The following MYO1C variants were observed in gnomAD, a reference collection of about 807,000 sequenced individuals.
MYO1C encodes unconventional myosin-Ic.
In MYO1C, 104 loss-of-function variants were observed where a neutral mutation model predicts 150.8. That is an observed-to-expected ratio of 0.69 (90% CI 0.59 to 0.81). MYO1C has a LOEUF of 0.81. Among genes scored for constraint, MYO1C ranks in the 30% least tolerant of loss-of-function variants. The pLI is 0.00. For synonymous variants in MYO1C, 663 were observed against 579.9 expected (o/e 1.14, Z -2.06); for missense variants, 1,504 against 1,435.0 (o/e 1.05, Z -0.78).
chr17:1,468,657 A>G (rs982324547), intron 25 of MYO1C, 161 bp from the exon 26 acceptor site: 2 of 647,266 alleles, frequency 3.1e-6, no homozygotes, highest in Non-Finnish European at 2.8e-6. Context: ...ACGCCCATCA[A>G]CCCTCCACTT....
At chr17:1,490,745 A>AC (rs1385111497) in intron 1 of MYO1C, among the ~76,000 whole-genome samples, 1 of 150,188 alleles carries the variant, frequency 6.7e-6, no homozygotes, top group South Asian at 2.1e-4. Context: ...AACTCCCGAG[A>AC]CCCCCCTGCT....
chr17:1,466,661 G>C (rs2074177962), intron 31 of MYO1C, among the ~76,000 whole-genome samples: 1 of 131,754 alleles, frequency 7.6e-6, no homozygotes, highest in African/African-American at 2.9e-5. Flanking sequence ...ATCTCACTCT[G>C]TTCCCCAGGC....
chr17:1,480,847 C>CA lies in MYO1C; in HGVS notation c.665dup (p.Glu223GlyfsTer61). ...TCTGGTGCACCACTCGTGACTTTTCCAGGAGGTAACTGAGGATGTGGCCAC... is the reference window on the plus strand; with the variant it reads ...TCTGGTGCACCACTCGTGACTTTTCCAAGGAGGTAACTGAGGATGTGGCCAC... On this transcript the variant is annotated frameshift_variant, in exon 6 of 32. Transcript: ENST00000648651. LOFTEE classifies it high-confidence loss of function. 6.2e-7 allele frequency: 1 copy of CA among 1,614,136 alleles called. No homozygotes were observed. The highest frequency in any genetic ancestry group is 8.5e-7 in the Non-Finnish European group (1 of 1,180,014).
In MYO1C at chr17:1,470,711, A is replaced by G. The variant is rs779481159; in HGVS notation, c.2213-22T>C. ...GTGGCTGCGGTTGGGAAAGAAAGGCAATTGGCCAGAGCGCGGGGAGCCAGC... is the reference window on the plus strand; with the variant it reads ...GTGGCTGCGGTTGGGAAAGAAAGGCGATTGGCCAGAGCGCGGGGAGCCAGC... On this transcript the variant is annotated intron_variant, in intron 21 of 31. Coordinates refer to ENST00000648651, the MANE Select transcript of MYO1C (RefSeq NM_001080779.2). 12 of 1,597,262 alleles carry G rather than the reference A, an allele frequency of 7.5e-6. No individual in the cohort carries two copies. The East Asian group carries it at 8.9e-5, about 12-fold the overall frequency.
intron 1 of MYO1C, among the ~76,000 whole-genome samples, chr17:1,486,426 C>A (rs540235686): frequency 6.6e-6 from 1 of 152,310 alleles, no homozygotes; most frequent in African/African-American, 2.4e-5. Flanking sequence ...TTCGCGTCCC[C>A]CCCGCCCACG....
chr17:1,478,308 G>A lies in MYO1C; in HGVS notation c.1295+102C>T. On this transcript the variant is annotated intron_variant, in intron 11 of 31. Coordinates refer to ENST00000648651, the MANE Select transcript of MYO1C (RefSeq NM_001080779.2). This position sits in a 1 kb window ranked among gnomAD's most constrained non-coding sequence, Gnocchi z 6.3. Reference sequence around the variant, plus strand: ...GTGAGAAACACAGAGACAGTCCCCGGCTGGCTGGGGAGTCACAGGGCAGGA... The same window carrying A: ...GTGAGAAACACAGAGACAGTCCCCGACTGGCTGGGGAGTCACAGGGCAGGA... The A allele has an allele frequency of 6.4e-7, 1 of 1,561,984 alleles. No homozygotes were observed. Among genetic ancestry groups the A allele is most frequent in the African/African-American group, 1.4e-5 (1 of 73,996 alleles).
chr17:1,480,520 GC>G lies in MYO1C; in HGVS notation c.906+6del, dbSNP rs1249102408. On this transcript the variant is annotated splice_donor_region_variant and intron_variant, in intron 7 of 31. Coordinates refer to ENST00000648651, the MANE Select transcript of MYO1C (RefSeq NM_001080779.2). ...GAGGAAAGCGAGGGTCCCGGAAGAG[GC>G]CTCACCTCCACTTCATCCTCGGTGA... 1 of 1,607,944 alleles carries G rather than the reference GC, an allele frequency of 6.2e-7. No individual in the cohort carries two copies. Among genetic ancestry groups the G allele is most frequent in the Admixed American group, 1.7e-5 (1 of 59,990 alleles).
Position 1,479,635 on chromosome 17 carries a change from T to G in MYO1C, c.977A>C (p.Asn326Thr), listed in dbSNP as rs1050960924. 6.2e-7 allele frequency: 1 copy of G among 1,612,046 alleles called. No individual in the cohort carries two copies. Among genetic ancestry groups the G allele is most frequent in the Non-Finnish European group, 8.5e-7 (1 of 1,179,258 alleles). ...NIHFAANEES[N>T]AQVTTENQLK... ...CTGGTTCTCGGTGGTGACCTGGGCA[T>G]TGCTCTCCTCGTTGGCAGCAAAGTG... Residue 326 changes from asparagine to threonine, a missense_variant, in exon 8 of 32, where the codon AAT (asparagine) becomes ACT (threonine). Transcript: ENST00000648651. The surrounding 1 kb of genome is among the most constrained non-coding windows in gnomAD (Gnocchi z 4.2).
In MYO1C at chr17:1,482,899, C is replaced by T. The variant is rs146251319; in HGVS notation, c.508G>A (p.Val170Met). The T allele has an allele frequency of 6.6e-5, 106 of 1,611,822 alleles. No homozygotes were observed. The highest frequency in any genetic ancestry group is 1.2e-4 in the South Asian group (11 of 91,028). ...TTGCTCTGTAGCAGCCGGTCCCGCA[C>T]GGCACCTCCGCGCTCGGGGGCTGGG... ...TCPAPERGGA[V>M]RDRLLQSNPV... The change falls in exon 4 of 32, where the codon GTG (valine) becomes ATG (methionine). Residue 170 changes from valine (V) to methionine (M), a missense_variant. Coordinates refer to ENST00000648651, the MANE Select transcript of MYO1C (RefSeq NM_001080779.2).
chr17:1,480,341 G>C (rs573057925), intron 7 of MYO1C, among the ~76,000 whole-genome samples, 186 bp downstream of exon 7: 3 of 150,760 alleles, frequency 2.0e-5, no homozygotes, highest in Non-Finnish European at 4.4e-5. Context: ...CCAGCTACTC[G>C]GGAGGCTGAG....
At position 1,465,416 on chromosome 17, in the gene MYO1C, C is replaced by CA. The variant is rs1472863658; in HGVS notation, c.*309dup. The CA allele has an allele frequency of 9.6e-6, 3 of 312,068 alleles. No individual in the cohort carries two copies. The highest frequency in any genetic ancestry group is 8.2e-4 in the Middle Eastern group (1 of 1,216). 19.3% of individuals were successfully genotyped at this position (312,068 alleles called of 1,614,324 possible). ...TAAAAAATAGTTTCCTATAAAGCAT[C>CA]AAAAAAACCTCAGAGAAAACCTCAG... is the stretch of plus-strand genomic sequence containing the variant. On this transcript the variant is annotated 3_prime_UTR_variant, in exon 32 of 32. Coordinates refer to ENST00000648651, the MANE Select transcript of MYO1C (RefSeq NM_001080779.2).
chr17:1,479,517 C>CGAG lies in MYO1C; in HGVS notation c.1021-18_1021-16dup. The CGAG allele has an allele frequency of 2.0e-6, 3 of 1,514,228 alleles. No individual in the cohort carries two copies. Among genetic ancestry groups the CGAG allele is most frequent in the Non-Finnish European group, 2.7e-6 (3 of 1,111,410 alleles). The allele number at this position is 1,514,228 out of a possible 1,614,324, so 93.8% of individuals were successfully genotyped here. ...ACGCTGAGGAGCTGCCAAGGGCAGG[C>CGAG]GAGGACACGGTGAGGGTGCACCCCC... is the stretch of plus-strand genomic sequence containing the variant. On this transcript the variant is annotated splice_polypyrimidine_tract_variant and intron_variant, in intron 8 of 31. Transcript: ENST00000648651. The surrounding 1 kb of genome is among the most constrained non-coding windows in gnomAD (Gnocchi z 4.2).
chr17:1,469,949 C>T (rs1490624117), intron 24 of MYO1C, among the ~76,000 whole-genome samples: 4 of 152,056 alleles, frequency 2.6e-5, no homozygotes, highest in Non-Finnish European at 4.4e-5. Context: ...GCAGGAGAAT[C>T]GCTTGAACCC....
intron 18 of MYO1C, 39 bp downstream of exon 18, chr17:1,472,084 G>A: frequency 6.2e-7 from 1 of 1,613,072 alleles, no homozygotes; most frequent in Non-Finnish European, 8.5e-7. Context: ...CTCCTGCAGG[G>A]GAGGCCCGGC....
rs929097746 is a variant in MYO1C at position 1,472,035 on chromosome 17, G to A, written c.1904-11C>T. On this transcript the variant is annotated splice_polypyrimidine_tract_variant and intron_variant, in intron 18 of 31. Coordinates refer to ENST00000648651, the MANE Select transcript of MYO1C (RefSeq NM_001080779.2). ...CCTCGTCAAAGCGGCCTGGGGTAGGGGGAGCGCCGTGGTCAGCGGGCTGGC... is the reference window on the plus strand; with the variant it reads ...CCTCGTCAAAGCGGCCTGGGGTAGGAGGAGCGCCGTGGTCAGCGGGCTGGC... The A allele has an allele frequency of 1.9e-6, 3 of 1,613,734 alleles. No homozygotes were observed. Among genetic ancestry groups the A allele is most frequent in the Admixed American group, 1.7e-5 (1 of 60,006 alleles).
Position 1,479,739 on chromosome 17 carries a change from G to T in MYO1C, c.907-34C>A, listed in dbSNP as rs201728676. The T allele has an allele frequency of 3.2e-3, 4,889 of 1,523,090 alleles. 22 individuals carry two copies. Among genetic ancestry groups the T allele is most frequent in the Middle Eastern group, 0.013 (76 of 5,766 alleles). The allele number at this position is 1,523,090 out of a possible 1,614,324, so 94.3% of individuals were successfully genotyped here. ...GCAGGCCGGGGGCAGGAGGGGGTGA[G>T]AGGGGCCAGAGAGCCCCAAGAGGGC... On this transcript the variant is annotated intron_variant, in intron 7 of 31. Coordinates refer to ENST00000648651, the MANE Select transcript of MYO1C (RefSeq NM_001080779.2). This position sits in a 1 kb window ranked among gnomAD's most constrained non-coding sequence, Gnocchi z 4.2.
In MYO1C at chr17:1,479,117, C is replaced by T. The variant is rs1026288809; in HGVS notation, c.1092+314G>A. Among the ~76,000 whole-genome samples the T allele has an allele frequency of 1.3e-5, 2 of 152,178 alleles. No homozygotes were observed. Among genetic ancestry groups the T allele is most frequent in the African/African-American group, 4.8e-5 (2 of 41,442 alleles). The stretch of plus-strand genomic sequence containing the variant: ...TCAAGCGATTCTCCTGCCTCAGCCT[C>T]CCGAGTAGCTGGGATTACAGGCGCC... On this transcript the variant is annotated intron_variant, in intron 9 of 31. Transcript: ENST00000648651. The surrounding 1 kb of genome is among the most constrained non-coding windows in gnomAD (Gnocchi z 4.2).
At chr17:1,477,777 C>G in intron 13 of MYO1C, 114 bp downstream of exon 13, 1 of 1,134,828 alleles carries the variant, frequency 8.8e-7, no homozygotes, top group South Asian at 1.2e-5. Flanking sequence ...TCTGCCCTGT[C>G]TCTACTCAGC....
intron 21 of MYO1C, 135 bp from the exon 22 acceptor site, chr17:1,470,824 A>T: frequency 9.5e-7 from 1 of 1,053,218 alleles, no homozygotes; most frequent in Non-Finnish European, 1.4e-6. Context: ...AGTGGTGAAG[A>T]AGAATGAATG....
Sources: allele counts gnomAD v4.1 joint callset (sites outside exome capture counted in the v4.1 genomes callset), GRCh38; gene constraint gnomAD v4.1.1; non-coding constraint Gnocchi (gnomAD v3.1); transcripts MANE v1.5; gene names NCBI Gene and HGNC (gene_info 2026-07-23, HGNC 2026-07-21).